ERCC6L2: variants seen among roughly 807,000 people sequenced by gnomAD.
ERCC6L2 encodes the protein ERCC excision repair 6 like 2.
ERCC6L2 carries 77 observed loss-of-function variants against 132.0 expected under a neutral mutation model. The ratio of observed to expected loss-of-function variants is 0.58; its 90% CI spans 0.49 to 0.71. The LOEUF (loss-of-function observed/expected upper bound fraction) is 0.71, where lower values mean the gene tolerates loss of function less well. ERCC6L2 is among the 30% of genes least tolerant of loss of function. The probability of loss-of-function intolerance (pLI) is 0.00; values close to 1 mark genes in which losing one functional copy is unlikely to be tolerated. For synonymous variants in ERCC6L2, 583 were observed against 632.4 expected (o/e 0.92, Z 1.17); for missense variants, 1,542 against 1,837.6 (o/e 0.84, Z 2.94).
intron 17 of ERCC6L2, among the ~76,000 whole-genome samples, chr9:95,999,974 C>T (rs1193085976): frequency 4.0e-5 from 6 of 151,670 alleles, no homozygotes; most frequent in Admixed American, 2.0e-4. Context: ...CTGCAACCTC[C>T]GACTCCCTGG....
intron 17 of ERCC6L2, among the ~76,000 whole-genome samples, chr9:95,981,313 CTG>C (rs532899472): frequency 2.0e-5 from 3 of 152,062 alleles, no homozygotes; most frequent in Non-Finnish European, 4.4e-5. Context: ...ATGACAAAAA[CTG>C]AATCTACTCT....
downstream of ERCC6L2, chr9:96,020,545 C>T: frequency 2.8e-6 from 1 of 354,138 alleles, no homozygotes; most frequent in Non-Finnish European, 5.6e-6. Context: ...CCCCTTAGGG[C>T]ACAGCCATAT....
At chr9:95,977,978 TTAAAAA>T (rs1356551130) in intron 16 of ERCC6L2, 77 bp from the exon 17 acceptor site, 22 of 920,806 alleles carry the variant, frequency 2.4e-5, no homozygotes, top group African/African-American at 5.3e-5. Flanking sequence ...CTCTTGAGTA[TTAAAAA>T]TAAGAATAAT....
rs1025866491 is a variant in ERCC6L2 at position 96,014,863 on chromosome 9, C to T, written c.*1660C>T. ...AGACTTGACTTGTAGATGTTTTCAG[C>T]CTACAATGTGATCAGCTATCTGAGG... is the stretch of plus-strand genomic sequence containing the variant. On this transcript the variant is annotated 3_prime_UTR_variant, in exon 19 of 19. Transcript: ENST00000653738. 6.6e-6 allele frequency among the ~76,000 whole-genome samples: 1 copy of T among 152,058 alleles called. No individual in the cohort carries two copies. Among genetic ancestry groups the T allele is most frequent in the Non-Finnish European group, 1.5e-5 (1 of 68,024 alleles).
intron 12 of ERCC6L2, among the ~76,000 whole-genome samples, chr9:95,942,425 T>C (rs542193745): frequency 1.3e-5 from 2 of 151,266 alleles, no homozygotes; most frequent in Non-Finnish European, 3.0e-5. Context: ...AGGAAAAAAG[T>C]ACATAAAAAA....
At chr9:96,027,443 G>C (rs1029594928) in intron 19 of ERCC6L2, among the ~76,000 whole-genome samples, 1 of 152,194 alleles carries the variant, frequency 6.6e-6, no homozygotes. Context: ...ACCCTGGCCG[G>C]GGCAGCCCGG....
rs777648962 is a variant in ERCC6L2, at chr9:96,013,176, C to T, written c.4626C>T (p.Asn1542=). The T allele has an allele frequency of 6.4e-5, 87 of 1,365,436 alleles. No homozygotes were observed. The highest frequency in any genetic ancestry group is 9.6e-5 in the Admixed American group (5 of 51,966). The allele number at this position is 1,365,436 out of a possible 1,614,324, so 84.6% of individuals were successfully genotyped here. ...KKFSPSDTDE[N]ATNTQSTT Reference sequence around the variant, plus strand: ...TTAGCCCAAGTGATACAGATGAAAACGCAACCAATACACAGAGTACCACAT... The same window carrying T: ...TTAGCCCAAGTGATACAGATGAAAATGCAACCAATACACAGAGTACCACAT... The change falls in exon 19 of 19, where the codon AAC becomes AAT. Residue 1542 remains asparagine (N), a synonymous_variant. Coordinates refer to ENST00000653738, the MANE Select transcript of ERCC6L2 (RefSeq NM_020207.7).
At chr9:96,028,887 T>C (rs1020982330) in intron 19 of ERCC6L2, among the ~76,000 whole-genome samples, 4 of 152,174 alleles carry the variant, frequency 2.6e-5, no homozygotes, top group Admixed American at 2.6e-4. Flanking sequence ...AAATAAACTA[T>C]CTTCAACCTT....
chr9:95,912,891 GC>G (rs1250234650), intron 4 of ERCC6L2, among the ~76,000 whole-genome samples: 2 of 152,142 alleles, frequency 1.3e-5, no homozygotes, highest in Non-Finnish European at 2.9e-5. Flanking sequence ...TGGCCCAAAG[GC>G]TTAAATAGAT....
chr9:95,907,337 AG>A, intron 4 of ERCC6L2, 66 bp downstream of exon 4: 113 of 558,360 alleles, frequency 2.0e-4, no homozygotes, highest in South Asian at 3.4e-4. Context: ...TTATATTAAG[AG>A]TTTTTTTTTT....
chr9:95,976,492 C>T (rs971667837), intron 16 of ERCC6L2, among the ~76,000 whole-genome samples: 1 of 152,172 alleles, frequency 6.6e-6, no homozygotes, highest in Admixed American at 6.6e-5. Context: ...CCGGTGAATA[C>T]CTGTTGGCAG....
intron 16 of ERCC6L2, among the ~76,000 whole-genome samples, chr9:95,975,890 T>G (rs1832649875): frequency 6.6e-6 from 1 of 152,216 alleles, no homozygotes; most frequent in Non-Finnish European, 1.5e-5. Context: ...AAAAAATTTC[T>G]AAGTCTTTCC....
rs770342034 is a variant in ERCC6L2 at position 95,972,349 on chromosome 9, T to G, written c.2598T>G (p.Ser866Arg). The stretch of plus-strand genomic sequence containing the variant: ...AAGAAAAGCATATTTTTTATAAAAG[T>G]GAGAAGATTTTAGAACAGAATATTT... ...NPKEKHIFYK[S>R]EKILEQNISS... is the part of the protein sequence containing the mutation. The change falls in exon 16 of 19, where the codon AGT becomes AGG. Residue 866 changes from serine (S) to arginine (R), a missense_variant. Physicochemically the swap from Ser to Arg is moderately radical, Grantham distance 110 (BLOSUM62 -1). This residue lies in a region of ERCC6L2 where 945 missense variants were observed against 1,105.2 expected (regional missense o/e 0.86). Transcript: ENST00000653738. 2.3e-6 allele frequency: 3 copies of G among 1,286,468 alleles called. No individual in the cohort carries two copies. Among genetic ancestry groups the G allele is most frequent in the Non-Finnish European group, 3.0e-6 (3 of 984,948 alleles). 79.7% of individuals were successfully genotyped at this position (1,286,468 alleles called of 1,614,324 possible). A position where few individuals can be genotyped will look rare whatever the true frequency, so the allele number is the denominator to read the frequency against.
chr9:95,973,409 C>T (rs1398282208), intron 16 of ERCC6L2, among the ~76,000 whole-genome samples: 6 of 152,096 alleles, frequency 3.9e-5, no homozygotes, highest in Non-Finnish European at 7.4e-5. Context: ...TGTGCATCCC[C>T]AGGTGAATTA....
Position 96,013,303 on chromosome 9 carries a change from AT to A in ERCC6L2, c.*101del. The A allele has an allele frequency of 2.9e-6, 3 of 1,036,858 alleles. No homozygotes were observed. The highest frequency in any genetic ancestry group is 3.8e-6 in the Non-Finnish European group (3 of 781,870). 64.2% of individuals were successfully genotyped at this position (1,036,858 alleles called of 1,614,324 possible). A position where few individuals can be genotyped will look rare whatever the true frequency, so the allele number is the denominator to read the frequency against. On this transcript the variant is annotated 3_prime_UTR_variant, in exon 19 of 19. Transcript: ENST00000653738. ...TTATCTTGAACACAGTTGTTGACAT[AT>A]ATTTTTATTAAATTATTGCTTTAGG...
At chr9:95,929,090 A>G (rs1469293002) in intron 11 of ERCC6L2, 17 of 318,632 alleles carry the variant, frequency 5.3e-5, no homozygotes, top group Non-Finnish European at 3.4e-5. Flanking sequence ...TATAAAGGTA[A>G]CAATAAAAAA....
At chr9:96,031,014 G>A (rs1392652102) in intron 19 of ERCC6L2, among the ~76,000 whole-genome samples, 3 of 152,184 alleles carry the variant, frequency 2.0e-5, no homozygotes, top group Non-Finnish European at 2.9e-5. Context: ...TCTTCCTTCA[G>A]GATAGTCATC....
intron 17 of ERCC6L2, among the ~76,000 whole-genome samples, chr9:96,000,511 A>G (rs1366719471): frequency 3.9e-5 from 6 of 152,224 alleles, no homozygotes; most frequent in East Asian, 1.9e-4. Context: ...ATATATAAAT[A>G]TCTTTGCATC....
At chr9:95,954,907 T>C (rs747172236) in intron 12 of ERCC6L2, 24 of 470,728 alleles carry the variant, frequency 5.1e-5, no homozygotes, top group Non-Finnish European at 8.4e-5. Context: ...TAAAAGTCCA[T>C]TGTGAGGAGG....
Sources: allele counts gnomAD v4.1 joint callset (sites outside exome capture counted in the v4.1 genomes callset), GRCh38; gene constraint gnomAD v4.1.1; regional missense constraint gnomAD v4.1.1; transcripts MANE v1.5; gene names NCBI Gene and HGNC (gene_info 2026-07-23, HGNC 2026-07-21).